The following DMD variants were observed in gnomAD, a reference collection of about 807,000 sequenced individuals.
DMD encodes the protein dystrophin, also known as mutant dystrophin.
In DMD, 63 loss-of-function variants were observed where a neutral mutation model predicts 330.1. The observed-to-expected ratio is 0.19, with a 90% CI of 0.16 to 0.24. The LOEUF is 0.24. DMD is among the 10% of genes least tolerant of loss of function. DMD has a pLI of 1.00. For synonymous variants in DMD, 1,223 were observed against 959.8 expected, an observed-to-expected ratio of 1.27 and a Z score of -5.07; for missense variants, 3,344 against 2,684.1, an observed-to-expected ratio of 1.25 and a Z score of -5.43.
chrX:32,876,818 G>A (rs2083419819), intron 2 of DMD, among the ~76,000 whole-genome samples: 1 of 111,933 alleles, frequency 8.9e-6, no homozygotes, highest in Admixed American at 9.5e-5. Context: ...TTGTACCATA[G>A]GTGACACTAA....
chrX:32,280,164 A>AT (rs1569555739), intron 43 of DMD, among the ~76,000 whole-genome samples: 18 of 12,309 alleles, frequency 1.5e-3, no homozygotes, highest in East Asian at 0.012. Context: ...ATATATATAC[A>AT]GTATATATAT....
chrX:31,655,916 GAGAA>G (rs753554750), intron 54 of DMD, among the ~76,000 whole-genome samples: 2 of 112,196 alleles, frequency 1.8e-5, no homozygotes, highest in South Asian at 7.4e-4. Context: ...GTTGCATTTG[GAGAA>G]AGAGATTGGA....
intron 54 of DMD, among the ~76,000 whole-genome samples, chrX:31,630,683 A>G (rs996276420): frequency 9.8e-5 from 11 of 111,757 alleles, no homozygotes; most frequent in African/African-American, 3.2e-4. Flanking sequence ...AAGAATCATA[A>G]AGAAAAAAAA....
Position 32,766,033 on chromosome X carries a change from C to A in DMD, c.649+43460G>T, listed in dbSNP as rs2072939835. ...ATATATAGTAGAGTTTACTTCAGGG[C>A]TATTATATTCTATTGTTCTACATTC... On this transcript the variant is annotated intron_variant, in intron 7 of 78. Coordinates refer to ENST00000357033, the MANE Select transcript of DMD (RefSeq NM_004006.3). Among the ~76,000 whole-genome samples the A allele has an allele frequency of 2.7e-5, 3 of 111,569 alleles. No homozygotes were observed. In the Admixed American group the frequency reaches 2.9e-4, roughly 11 times the overall value.
At chrX:31,441,078 C>T (rs920276516) in intron 60 of DMD, among the ~76,000 whole-genome samples, 1 of 112,522 alleles carries the variant, frequency 8.9e-6, no homozygotes, top group Non-Finnish European at 1.9e-5. Context: ...CAAGTAGACA[C>T]GGCCTGATAG....
chrX:31,633,782 CCTAA>C (rs771249477), intron 54 of DMD, among the ~76,000 whole-genome samples: 132 of 111,989 alleles, frequency 1.2e-3, no homozygotes, highest in African/African-American at 4.2e-3. Context: ...CAAAAGTTTG[CCTAA>C]CTAATTTTCA....
At chrX:32,859,461 TCACACACACACACACACACACACACA>T (rs35537635) in intron 2 of DMD, among the ~76,000 whole-genome samples, 3,038 of 86,026 alleles carry the variant, frequency 0.035, 59 homozygotes, top group East Asian at 0.11. Flanking sequence ...AAGCAAGATC[TCACACACACACACACACACACACACA>T]CACACACACA....
rs794727226 is a variant in DMD at position 32,501,805 on chromosome X, A to G, written c.2330T>C (p.Leu777Pro). The G allele has an allele frequency of 1.7e-6, 2 of 1,209,140 alleles. No homozygotes were observed. The highest frequency in any genetic ancestry group is 2.2e-6 in the Non-Finnish European group (2 of 894,037). Reference sequence around the variant, plus strand: ...CTGAGCTGATCTGCTGGCATCTTGCAGTTTTCTGAACTTCTCAGCTTTTTC... The same window carrying G: ...CTGAGCTGATCTGCTGGCATCTTGCGGTTTTCTGAACTTCTCAGCTTTTTC... The part of the protein sequence containing the change: ...EREKAEKFRK[L>P]QDASRSAQAL... The change falls in exon 19 of 79, where the codon CTG becomes CCG. Residue 777 changes from leucine (L) to proline (P), a missense_variant. By Grantham distance (98) the Leu-to-Pro change is moderately conservative. Coordinates refer to ENST00000357033, the MANE Select transcript of DMD (RefSeq NM_004006.3).
At chrX:33,061,468 G>A (rs2094580625) in intron 1 of DMD, among the ~76,000 whole-genome samples, 1 of 111,577 alleles carries the variant, frequency 9.0e-6, no homozygotes, top group African/African-American at 3.3e-5. Context: ...TTGTAGGTTA[G>A]TAGTGATATT....
At chrX:32,247,363 T>G (rs968539608) in intron 43 of DMD, among the ~76,000 whole-genome samples, 1 of 112,036 alleles carries the variant, frequency 8.9e-6, no homozygotes, top group Admixed American at 9.5e-5. Context: ...AATAGCACAA[T>G]CTATTATAGT....
Position 33,184,076 on chromosome X carries a change from A to G in DMD, c.31+27206T>C, listed in dbSNP as rs554822617. Among the ~76,000 whole-genome samples the G allele has an allele frequency of 3.6e-5, 4 of 111,819 alleles. No homozygotes were observed. The South Asian group carries it at 1.5e-3, about 42-fold the overall frequency. On this transcript the variant is annotated intron_variant, in intron 1 of 78. Coordinates refer to ENST00000357033, the MANE Select transcript of DMD (RefSeq NM_004006.3). ...GAGTCTGATATCAATAGCGTACATT[A>G]TTTTACCTTTGTTGAATGCTGATCC...
chrX:33,022,581 A>G (rs972545887), intron 1 of DMD, among the ~76,000 whole-genome samples: 2 of 110,622 alleles, frequency 1.8e-5, no homozygotes, highest in Non-Finnish European at 3.8e-5. Context: ...TTATTATAAA[A>G]TACATAACAA....
intron 11 of DMD, among the ~76,000 whole-genome samples, chrX:32,621,159 A>T (rs5972624): frequency 0.09 from 9,968 of 111,289 alleles, 1,081 homozygotes; most frequent in African/African-American, 0.31. Context: ...TTAGTGCAGT[A>T]CTGGACAACT....
At chrX:32,772,552 A>G (rs1156640637) in intron 7 of DMD, among the ~76,000 whole-genome samples, 1 of 112,174 alleles carries the variant, frequency 8.9e-6, no homozygotes, top group Non-Finnish European at 1.9e-5. Context: ...TTAAGGTCAC[A>G]CATCTGGTAG....
chrX:32,643,371 T>C (rs954002842), intron 11 of DMD, among the ~76,000 whole-genome samples: 6 of 109,803 alleles, frequency 5.5e-5, no homozygotes, highest in Non-Finnish European at 9.5e-5. Context: ...ACTTCATAAA[T>C]AATAGTTAAA....
At chrX:33,031,302 C>CAAA (rs34526249) in intron 1 of DMD, among the ~76,000 whole-genome samples, 110 of 63,233 alleles carry the variant, frequency 1.7e-3, no homozygotes, top group African/African-American at 5.1e-3. Context: ...TTAAAAAGGA[C>CAAA]AAAAAAAAAA....
In DMD at chrX:32,348,496, A is replaced by G. The variant is rs886042125; in HGVS notation, c.5358T>C (p.Phe1786=). ...ASIPLKELEQ[F]NSDIQKLLEP... is the part of the protein sequence containing the mutation. ...CAAGCAATTTTTGTATATCTGAGTT[A>G]AACTGCTCCAATTCCTTCAAAGGAA... The change falls in exon 38 of 79, where the codon TTT becomes TTC. Residue 1786 remains phenylalanine (F), a synonymous_variant. Coordinates refer to ENST00000357033, the MANE Select transcript of DMD (RefSeq NM_004006.3). 4 of 1,206,871 alleles carry G rather than the reference A, an allele frequency of 3.3e-6. No homozygotes were observed. The highest frequency in any genetic ancestry group is 3.4e-6 in the Non-Finnish European group (3 of 892,016).
At chrX:32,182,827 G>GT (rs2096932003) in intron 44 of DMD, among the ~76,000 whole-genome samples, 2 of 111,584 alleles carry the variant, frequency 1.8e-5, no homozygotes, top group Admixed American at 9.6e-5. Context: ...TTAATGTGTA[G>GT]TTTTCCCCTT....
intron 2 of DMD, among the ~76,000 whole-genome samples, chrX:32,861,653 G>C (rs2082084056): frequency 1.8e-5 from 2 of 111,760 alleles, no homozygotes; most frequent in African/African-American, 6.5e-5. Flanking sequence ...ACTGAGAAGA[G>C]AAGATTATCT....
Sources: gnomAD v4.1 joint callset for allele counts (sites outside exome capture counted in the v4.1 genomes callset) on GRCh38, gnomAD v4.1.1 for gene constraint, MANE v1.5 for transcripts, NCBI Gene and HGNC (gene_info 2026-07-23, HGNC 2026-07-21) for gene names.